The following TEX2 variants were observed in gnomAD, a reference collection of about 807,000 sequenced individuals.
The protein encoded by TEX2 is testis-expressed protein 2.
A neutral mutation model predicts 106.9 loss-of-function variants in TEX2; 53 were observed. The observed-to-expected ratio is 0.50, with a 90% CI of 0.40 to 0.62. The LOEUF is 0.62. Among genes scored for constraint, TEX2 ranks in the 20% least tolerant of loss-of-function variants. TEX2 has a pLI of 0.00. For synonymous variants in TEX2, 523 were observed against 534.8 expected (o/e 0.98, Z 0.30); for missense variants, 1,207 against 1,379.0 (o/e 0.88, Z 1.98).
chr17:64,243,984 T>C (rs538358586), intron 1 of TEX2, among the ~76,000 whole-genome samples: 13 of 152,108 alleles, frequency 8.5e-5, no homozygotes, highest in African/African-American at 3.1e-4. Flanking sequence ...AACTTTTGTA[T>C]TTTCAGTAGA....
intron 1 of TEX2, among the ~76,000 whole-genome samples, chr17:64,216,633 A>AGC (rs1250732070): frequency 6.6e-6 from 1 of 152,238 alleles, no homozygotes; most frequent in Non-Finnish European, 1.5e-5. Flanking sequence ...GGCCCAGCCT[A>AGC]GCGCCAAAGG....
chr17:64,151,921 T>G (rs757433913), intron 10 of TEX2, among the ~76,000 whole-genome samples: 3 of 152,206 alleles, frequency 2.0e-5, no homozygotes, highest in Non-Finnish European at 2.9e-5. Flanking sequence ...ATTTATCTAT[T>G]TTTCACCTTT....
intron 2 of TEX2, among the ~76,000 whole-genome samples, chr17:64,209,424 C>T (rs1217212428): frequency 6.6e-6 from 1 of 152,180 alleles, no homozygotes; most frequent in African/African-American, 2.4e-5. Context: ...ATATACTTTT[C>T]CTCTTTAGTA....
intron 1 of TEX2, among the ~76,000 whole-genome samples, chr17:64,245,834 G>A (rs1555636226): frequency 6.6e-6 from 1 of 152,200 alleles, no homozygotes; most frequent in Admixed American, 6.5e-5. Context: ...GCAGACAGCT[G>A]AGAGCTAAAG....
intron 2 of TEX2, among the ~76,000 whole-genome samples, chr17:64,208,600 A>G (rs1406053691): frequency 2.0e-5 from 3 of 151,086 alleles, no homozygotes; most frequent in Non-Finnish European, 2.9e-5. Flanking sequence ...ATTAAACCCT[A>G]TTTTTTTTAA....
Position 64,213,568 on chromosome 17 carries a change from A to G in TEX2, c.650T>C (p.Leu217Ser). 6.2e-7 allele frequency: 1 copy of G among 1,614,060 alleles called. No homozygotes were observed. Among genetic ancestry groups the G allele is most frequent in the Non-Finnish European group, 8.5e-7 (1 of 1,179,994 alleles). ...PARHRHLMKT[L>S]VKSLSTDTSR... The stretch of plus-strand genomic sequence containing the variant: ...AGTGTCCGTGGACAGAGACTTGACT[A>G]ATGTCTTCATCAAGTGCCTGTGCCT... The change falls in exon 2 of 12, where the codon TTA becomes TCA. Residue 217 changes from leucine (L) to serine (S), a missense_variant. Leu to Ser is a moderately radical substitution (Grantham distance 145). Transcript: ENST00000584379. This position sits in a 1 kb window ranked among gnomAD's most constrained non-coding sequence, Gnocchi z 4.4.
At chr17:64,206,550 C>CTTTTTT (rs60956243) in intron 2 of TEX2, among the ~76,000 whole-genome samples, 1 of 77,190 alleles carries the variant, frequency 1.3e-5, no homozygotes, top group Non-Finnish European at 2.3e-5. Context: ...AGAGGTCTTA[C>CTTTTTT]TTTTTTTTTT....
intron 2 of TEX2, among the ~76,000 whole-genome samples, chr17:64,199,324 C>T (rs1490583284): frequency 1.3e-5 from 2 of 152,148 alleles, no homozygotes; most frequent in Non-Finnish European, 2.9e-5. Context: ...GCAACCTGCA[C>T]CTCCTGGGTT....
chr17:64,207,741 CTTT>C (rs1427266888), intron 2 of TEX2, among the ~76,000 whole-genome samples: 1 of 143,458 alleles, frequency 7.0e-6, no homozygotes. Context: ...TTTTTTTTTT[CTTT>C]TTTTTTTTTG....
chr17:64,187,599 T>G (rs982115594), intron 5 of TEX2, among the ~76,000 whole-genome samples: 1 of 152,252 alleles, frequency 6.6e-6, no homozygotes. Flanking sequence ...CATCATACCC[T>G]GCTCAAAACC....
chr17:64,189,100 A>C (rs1351727879), intron 4 of TEX2, among the ~76,000 whole-genome samples: 1 of 95,668 alleles, frequency 1.0e-5, no homozygotes, highest in Non-Finnish European at 2.2e-5. Flanking sequence ...ACAAGCTCAC[A>C]GCAATTCCAA....
intron 4 of TEX2, among the ~76,000 whole-genome samples, chr17:64,190,312 G>A (rs1193559490): frequency 1.3e-5 from 2 of 152,000 alleles, no homozygotes; most frequent in Non-Finnish European, 2.9e-5. Flanking sequence ...TCCTGGATTG[G>A]ATCCTGGAAG....
chr17:64,232,819 T>C (rs533970876), intron 1 of TEX2, among the ~76,000 whole-genome samples: 17 of 152,220 alleles, frequency 1.1e-4, no homozygotes, highest in Non-Finnish European at 2.2e-4. Flanking sequence ...AAAGCATAGT[T>C]TCTGTTAAGC....
At position 64,218,530 on chromosome 17, in the gene TEX2, T is replaced by C. The variant is rs1478812925; in HGVS notation, c.-25-4288A>G. Among the ~76,000 whole-genome samples, 31 of 151,410 alleles carry C rather than the reference T, an allele frequency of 2.0e-4. 1 individual carries two copies. Among genetic ancestry groups the C allele is most frequent in the African/African-American group, 7.1e-4 (29 of 41,114 alleles). ...GCCTCCCAGGTTCAAGTGATTCTCC[T>C]GCCTCGGGCTCCCCAGTAGCTGGGA... is the stretch of plus-strand genomic sequence containing the variant. On this transcript the variant is annotated intron_variant, in intron 1 of 11. Transcript: ENST00000584379.
At chr17:64,261,693 C>G (rs1361503269) in intron 1 of TEX2, among the ~76,000 whole-genome samples, 1 of 152,158 alleles carries the variant, frequency 6.6e-6, no homozygotes, top group East Asian at 1.9e-4. Flanking sequence ...CACATCCTCT[C>G]CCTCCAAGCC....
At chr17:64,181,310 T>C (rs142626926) in intron 5 of TEX2, among the ~76,000 whole-genome samples, 2 of 151,888 alleles carry the variant, frequency 1.3e-5, no homozygotes, top group East Asian at 1.9e-4. Context: ...GTCCCGTCTC[T>C]ACCAAAAATA....
rs782602650 is a variant in TEX2, at chr17:64,214,140, C to A, written c.78G>T (p.Gln26His). 17 of 1,614,214 alleles carry A rather than the reference C, an allele frequency of 1.1e-5. No individual in the cohort carries two copies. The South Asian group carries it at 1.9e-4, about 18-fold the overall frequency. ...CGATGGTATCTCGGGACACGGACCT[C>A]TGCACGTGCACTTTAGGGGCTGATG... ...PKPSAPKVHV[Q>H]RSVSRDTIAI... Residue 26 changes from glutamine (Q) to histidine (H), a missense_variant, in exon 2 of 12, where the codon CAG becomes CAT. Physicochemically the swap from Gln to His is conservative, Grantham distance 24. Coordinates refer to ENST00000584379, the MANE Select transcript of TEX2 (RefSeq NM_001288732.2).
intron 2 of TEX2, among the ~76,000 whole-genome samples, chr17:64,210,038 C>T (rs1316527910): frequency 6.6e-6 from 1 of 152,218 alleles, no homozygotes; most frequent in Non-Finnish European, 1.5e-5. Flanking sequence ...CTTCCTAAGA[C>T]AAGTCAGTGC....
At chr17:64,239,421 T>C (rs902573343) in intron 1 of TEX2, among the ~76,000 whole-genome samples, 1 of 152,230 alleles carries the variant, frequency 6.6e-6, no homozygotes, top group East Asian at 1.9e-4. Flanking sequence ...GTTATAACTG[T>C]TCGCAGAATT....
Sources: gnomAD v4.1 joint callset for allele counts (sites outside exome capture counted in the v4.1 genomes callset) on GRCh38, gnomAD v4.1.1 for gene constraint, Gnocchi (gnomAD v3.1) non-coding constraint, MANE v1.5 for transcripts, NCBI Gene and HGNC (gene_info 2026-07-23, HGNC 2026-07-21) for gene names.